The following TTC29 variants were observed in gnomAD, a reference collection of about 807,000 sequenced individuals.
TTC29 encodes tetratricopeptide repeat domain 29.
In TTC29, 49 loss-of-function variants were observed where a neutral mutation model predicts 58.1. The ratio of observed to expected loss-of-function variants is 0.84; its 90% CI spans 0.67 to 1.07. The LOEUF is 1.07. TTC29 is among the 50% of genes least tolerant of loss of function. The probability of loss-of-function intolerance (pLI) is 0.00; values close to 1 mark genes in which losing one functional copy is unlikely to be tolerated. For missense variants in TTC29, 582 were observed against 555.6 expected (o/e 1.05, Z -0.48); for synonymous variants, 209 against 196.8 (o/e 1.06, Z -0.52).
At chr4:146,944,739 T>C (rs1293640829) in intron 2 of TTC29, among the ~76,000 whole-genome samples, 1 of 152,180 alleles carries the variant, frequency 6.6e-6, no homozygotes, top group Non-Finnish European at 1.5e-5. Flanking sequence ...AAACTTTTCA[T>C]ATTATCCAAG....
chr4:146,707,453 T>TTAA, intron 12 of TTC29, 32 bp downstream of exon 12: 1 of 1,546,652 alleles, frequency 6.5e-7, no homozygotes, highest in African/African-American at 1.4e-5. Context: ...AAGTGGGTAC[T>TTAA]TAATAGAAAC....
At chr4:146,784,323 A>T (rs1748846368) in intron 11 of TTC29, among the ~76,000 whole-genome samples, 2 of 152,108 alleles carry the variant, frequency 1.3e-5, no homozygotes, top group South Asian at 4.1e-4. Context: ...ATTGTTGGAC[A>T]CAACACAGTA....
At chr4:146,797,883 C>T (rs928447273) in intron 11 of TTC29, among the ~76,000 whole-genome samples, 1 of 142,814 alleles carries the variant, frequency 7.0e-6, no homozygotes, top group African/African-American at 2.6e-5. Context: ...TCTTTTCCCT[C>T]TCCTTTGGGG....
At chr4:146,867,269 C>T (rs1242632114) in intron 8 of TTC29, among the ~76,000 whole-genome samples, 3 of 151,984 alleles carry the variant, frequency 2.0e-5, no homozygotes, top group South Asian at 4.1e-4. Context: ...TTCACATATC[C>T]CAAAGCACTT....
chr4:146,732,590 CT>C, intron 11 of TTC29, among the ~76,000 whole-genome samples: 1 of 152,162 alleles, frequency 6.6e-6, no homozygotes, highest in South Asian at 2.1e-4. Context: ...ACTGGTTTAA[CT>C]ACGGGAATGA....
chr4:146,889,444 A>G (rs1467002989), intron 6 of TTC29, among the ~76,000 whole-genome samples: 1 of 152,172 alleles, frequency 6.6e-6, no homozygotes, highest in African/African-American at 2.4e-5. Flanking sequence ...AAGGAATAAT[A>G]AATCTCCCCA....
chr4:146,913,009 G>T (rs908276350), intron 4 of TTC29, among the ~76,000 whole-genome samples: 1 of 152,118 alleles, frequency 6.6e-6, no homozygotes, highest in Admixed American at 6.6e-5. Flanking sequence ...TTTGGGGAAA[G>T]ATAATGAGTT....
chr4:146,836,845 A>T (rs1728543911), intron 8 of TTC29, among the ~76,000 whole-genome samples: 1 of 152,108 alleles, frequency 6.6e-6, no homozygotes, highest in Non-Finnish European at 1.5e-5. Flanking sequence ...AAAAAACAAC[A>T]TATGCTGGCA....
intron 8 of TTC29, among the ~76,000 whole-genome samples, chr4:146,834,890 A>T (rs927238071): frequency 6.6e-6 from 1 of 152,148 alleles, no homozygotes; most frequent in Admixed American, 6.6e-5. Flanking sequence ...ACTTCAAAAA[A>T]TTTGAGTTTC....
intron 9 of TTC29, among the ~76,000 whole-genome samples, chr4:146,821,991 T>TG (rs1389692082): frequency 4.0e-5 from 6 of 150,924 alleles, no homozygotes; most frequent in Non-Finnish European, 7.4e-5. Flanking sequence ...TAGTGTTTTT[T>TG]TTTTTTTTTT....
chr4:146,903,099 T>C (rs1304535565), intron 6 of TTC29, among the ~76,000 whole-genome samples: 2 of 152,212 alleles, frequency 1.3e-5, no homozygotes, highest in Non-Finnish European at 2.9e-5. Flanking sequence ...TTATTAAGTA[T>C]GAAGTTATTT....
chr4:146,830,782 T>C (rs568548893), intron 9 of TTC29, among the ~76,000 whole-genome samples: 3 of 151,606 alleles, frequency 2.0e-5, no homozygotes, highest in Non-Finnish European at 4.4e-5. Flanking sequence ...TGTGTGGGTA[T>C]GTGCATGTAT....
chr4:146,856,716 T>TA (rs909478137), intron 8 of TTC29, among the ~76,000 whole-genome samples: 2 of 150,552 alleles, frequency 1.3e-5, no homozygotes, highest in Non-Finnish European at 3.0e-5. Context: ...TATTAATATG[T>TA]AAAAAAACTA....
chr4:146,709,875 G>A (rs1009079635), intron 11 of TTC29, among the ~76,000 whole-genome samples: 1 of 152,084 alleles, frequency 6.6e-6, no homozygotes, highest in South Asian at 2.1e-4. Flanking sequence ...TGTATACTCT[G>A]TCTTCCCTTC....
intron 10 of TTC29, among the ~76,000 whole-genome samples, chr4:146,805,116 A>G (rs1750510420): frequency 6.6e-6 from 1 of 152,186 alleles, no homozygotes; most frequent in Non-Finnish European, 1.5e-5. Context: ...ACCTCCAGCA[A>G]ACTCCAGCAG....
intron 10 of TTC29, among the ~76,000 whole-genome samples, chr4:146,803,928 A>T (rs1376221239): frequency 6.6e-6 from 1 of 152,236 alleles, no homozygotes; most frequent in East Asian, 1.9e-4. Flanking sequence ...ACTAAGCTAT[A>T]TAAGACTTAA....
intron 9 of TTC29, among the ~76,000 whole-genome samples, chr4:146,822,460 C>A (rs1267288256): frequency 6.6e-6 from 1 of 152,104 alleles, no homozygotes; most frequent in South Asian, 2.1e-4. Flanking sequence ...GTATATGTAC[C>A]ACATTTTCTT....
At chr4:146,804,341 T>C (rs1223465128) in intron 10 of TTC29, among the ~76,000 whole-genome samples, 3 of 152,112 alleles carry the variant, frequency 2.0e-5, no homozygotes, top group Non-Finnish European at 2.9e-5. Context: ...TGCAGGAGTT[T>C]TTTTTTCACA....
intron 8 of TTC29, among the ~76,000 whole-genome samples, chr4:146,836,733 C>A (rs747009596): frequency 1.3e-5 from 2 of 151,962 alleles, no homozygotes; most frequent in Non-Finnish European, 2.9e-5. Context: ...TGCCAACATG[C>A]ATATGGAAAA....
Sources: allele counts gnomAD v4.1 joint callset (sites outside exome capture counted in the v4.1 genomes callset), GRCh38; gene constraint gnomAD v4.1.1; transcripts MANE v1.5; gene names NCBI Gene and HGNC (gene_info 2026-07-23, HGNC 2026-07-21).